Variants in RIMS2 observed in about 807,000 individuals in gnomAD.
The protein encoded by RIMS2 is regulating synaptic membrane exocytosis protein 2.
RIMS2 carries 59 observed loss-of-function variants against 174.4 expected under a neutral mutation model. That is an observed-to-expected ratio of 0.34 (90% CI 0.27 to 0.42). The LOEUF (loss-of-function observed/expected upper bound fraction) is 0.42, where lower values mean the gene tolerates loss of function less well. Among genes scored for constraint, RIMS2 ranks in the 10% least tolerant of loss-of-function variants. The pLI, the probability that RIMS2 is intolerant of heterozygous loss-of-function variation, is 1.00. For synonymous variants in RIMS2, 606 were observed against 572.5 expected (o/e 1.06, Z -0.84); for missense variants, 1,620 against 1,666.3 (o/e 0.97, Z 0.48).
intron 3 of RIMS2, among the ~76,000 whole-genome samples, chr8:103,868,088 G>T (rs368550007): frequency 1.1e-4 from 17 of 151,906 alleles, no homozygotes; most frequent in African/African-American, 3.9e-4. Flanking sequence ...CTTTTGTAGT[G>T]CTAGGGATAA....
At chr8:103,804,623 A>T (rs2098637517) in intron 3 of RIMS2, among the ~76,000 whole-genome samples, 1 of 152,186 alleles carries the variant, frequency 6.6e-6, no homozygotes, top group Non-Finnish European at 1.5e-5. Flanking sequence ...TCTAGGAGGA[A>T]TAGATAGGAA....
chr8:104,189,582 T>TTTTATATATATATATA lies in RIMS2; in HGVS notation c.3335-55333_3335-55332insTTATATATATATATAT, dbSNP rs1554596362. 2.1e-5 allele frequency among the ~76,000 whole-genome samples: 3 copies of TTTTATATATATATATA among 145,220 alleles called. No individual in the cohort carries two copies. The East Asian group carries it at 6.0e-4, about 29-fold the overall frequency. The stretch of plus-strand genomic sequence containing the variant: ...AAGAGATAAATTCCAAATATATACA[T>TTTTATATATATATATA]TATATATATATATATATTTATGTAA... On this transcript the variant is annotated intron_variant, in intron 19 of 23. Coordinates refer to ENST00000504942, the Ensembl canonical transcript of RIMS2.
chr8:104,027,141 G>A (rs1301221596), intron 19 of RIMS2, among the ~76,000 whole-genome samples: 1 of 152,064 alleles, frequency 6.6e-6, no homozygotes, highest in Admixed American at 6.6e-5. Context: ...AGAAACTGAG[G>A]GCATAGGACC....
chr8:103,982,389 G>A (rs900605324), intron 16 of RIMS2, among the ~76,000 whole-genome samples: 2 of 148,812 alleles, frequency 1.3e-5, no homozygotes, highest in Admixed American at 6.8e-5. Flanking sequence ...TTCCAAACTC[G>A]TTCTACAAGG....
At chr8:103,934,362 A>G (rs1371555462) in intron 12 of RIMS2, among the ~76,000 whole-genome samples, 1 of 152,134 alleles carries the variant, frequency 6.6e-6, no homozygotes, top group Non-Finnish European at 1.5e-5. Flanking sequence ...ATTTTTAGCA[A>G]CTTTTCAGTG....
intron 19 of RIMS2, among the ~76,000 whole-genome samples, chr8:104,107,240 C>T (rs2098087616): frequency 6.6e-6 from 1 of 152,096 alleles, no homozygotes; most frequent in Non-Finnish European, 1.5e-5. Flanking sequence ...GAGTAAAGTA[C>T]CTACTCATCC....
At chr8:103,566,432 G>C (rs1257346149) in intron 1 of RIMS2, among the ~76,000 whole-genome samples, 1 of 152,174 alleles carries the variant, frequency 6.6e-6, no homozygotes, top group Non-Finnish European at 1.5e-5. Context: ...ACACTGCTCT[G>C]ATACCCTTAA....
At chr8:103,901,973 A>G (rs2073237154) in intron 4 of RIMS2, among the ~76,000 whole-genome samples, 1 of 152,156 alleles carries the variant, frequency 6.6e-6, no homozygotes, top group Non-Finnish European at 1.5e-5. Context: ...ACACATGTTT[A>G]TTATCTCACA....
intron 1 of RIMS2, among the ~76,000 whole-genome samples, chr8:103,581,749 T>A (rs2093630420): frequency 6.6e-6 from 1 of 152,306 alleles, no homozygotes; most frequent in African/African-American, 2.4e-5. Flanking sequence ...AGGAGCAAGA[T>A]GGTGGATAGA....
At chr8:104,221,033 G>A (rs372904842) in intron 19 of RIMS2, among the ~76,000 whole-genome samples, 1 of 152,100 alleles carries the variant, frequency 6.6e-6, no homozygotes, top group East Asian at 1.9e-4. Context: ...TAATCTTTAG[G>A]AGAGTCTGAC....
chr8:104,215,926 AAACTTCCATTT>A (rs1563804719), intron 19 of RIMS2, among the ~76,000 whole-genome samples: 2 of 152,222 alleles, frequency 1.3e-5, no homozygotes, highest in African/African-American at 4.8e-5. Flanking sequence ...CAGGGTAGAG[AAACTTCCATTT>A]TCAGTTTTCT....
chr8:104,114,079 A>C (rs1418011625), intron 19 of RIMS2, among the ~76,000 whole-genome samples: 1 of 152,068 alleles, frequency 6.6e-6, no homozygotes, highest in African/African-American at 2.4e-5. Context: ...CTGACAAATA[A>C]ATTGTTCTGA....
intron 19 of RIMS2, among the ~76,000 whole-genome samples, chr8:104,174,789 T>G (rs1438299871): frequency 6.6e-6 from 1 of 152,210 alleles, no homozygotes; most frequent in African/African-American, 2.4e-5. Flanking sequence ...CTGGAGAATT[T>G]TCTGATATTC....
chr8:104,126,701 C>A (rs1268015791), intron 19 of RIMS2, among the ~76,000 whole-genome samples: 1 of 152,190 alleles, frequency 6.6e-6, no homozygotes, highest in Non-Finnish European at 1.5e-5. Flanking sequence ...GCTTTCAATA[C>A]ATGTTAGGCA....
intron 19 of RIMS2, among the ~76,000 whole-genome samples, chr8:104,038,605 T>A (rs929611516): frequency 1.3e-5 from 2 of 151,954 alleles, no homozygotes; most frequent in African/African-American, 4.8e-5. Context: ...GGGGATACTC[T>A]TAGCTTCTTC....
chr8:104,194,148 C>CT (rs566753723), intron 19 of RIMS2, among the ~76,000 whole-genome samples: 1 of 150,738 alleles, frequency 6.6e-6, no homozygotes, highest in South Asian at 2.1e-4. Flanking sequence ...TTTTTTCTTT[C>CT]TTTTTTTTTC....
At chr8:103,520,859 T>A (rs1831318352) in intron 1 of RIMS2, among the ~76,000 whole-genome samples, 1 of 152,134 alleles carries the variant, frequency 6.6e-6, no homozygotes, top group African/African-American at 2.4e-5. Context: ...TTACCTTATA[T>A]AAACATAGAA....
At chr8:104,211,267 G>C (rs1324678287) in intron 19 of RIMS2, among the ~76,000 whole-genome samples, 2 of 152,060 alleles carry the variant, frequency 1.3e-5, no homozygotes, top group African/African-American at 4.8e-5. Context: ...ATGAGAAAAA[G>C]AATAGGACAC....
At chr8:103,781,940 G>T in intron 3 of RIMS2, among the ~76,000 whole-genome samples, 1 of 151,574 alleles carries the variant, frequency 6.6e-6, no homozygotes, top group African/African-American at 2.4e-5. Context: ...TAGAGACGGG[G>T]TTTCACCATG....
Sources: gnomAD v4.1 joint callset for allele counts (sites outside exome capture counted in the v4.1 genomes callset) on GRCh38, gnomAD v4.1.1 for gene constraint, MANE v1.5 for transcripts, NCBI Gene and HGNC (gene_info 2026-07-23, HGNC 2026-07-21) for gene names.